Variants in ZSWIM5 observed in about 807,000 individuals in gnomAD.
ZSWIM5 encodes zinc finger SWIM-type containing 5.
A neutral mutation model predicts 119.6 loss-of-function variants in ZSWIM5; 55 were observed. That is an observed-to-expected ratio of 0.46 (90% confidence interval 0.37 to 0.58). ZSWIM5 has a LOEUF of 0.58. Ranked by LOEUF, ZSWIM5 falls within the 20% of genes least tolerant of loss-of-function variation. ZSWIM5 has a pLI of 0.00. For missense variants in ZSWIM5, 1,193 were observed against 1,512.8 expected (o/e 0.79, Z 3.51); for synonymous variants, 537 against 606.9 (o/e 0.88, Z 1.69).
At chr1:45,093,082 T>A (rs1325440967) in intron 1 of ZSWIM5, among the ~76,000 whole-genome samples, 1 of 152,220 alleles carries the variant, frequency 6.6e-6, no homozygotes, top group African/African-American at 2.4e-5. Context: ...GTCACTCTGC[T>A]AGGAAGTGAC....
At chr1:45,163,286 C>A (rs1326787116) in intron 1 of ZSWIM5, among the ~76,000 whole-genome samples, 1 of 152,194 alleles carries the variant, frequency 6.6e-6, no homozygotes. Flanking sequence ...AAGAAACAAA[C>A]AGAAAGGACA....
At position 45,202,320 on chromosome 1, in the gene ZSWIM5, ATAC is replaced by A. The variant is rs567664203; in HGVS notation, c.595+3433_595+3435del. Among the ~76,000 whole-genome samples the A allele has an allele frequency of 1.6e-3, 244 of 152,254 alleles. 1 individual carries two copies. Among genetic ancestry groups the A allele is most frequent in the African/African-American group, 5.5e-3 (230 of 41,590 alleles). On this transcript the variant is annotated intron_variant, in intron 1 of 13. Transcript: ENST00000359600. ...GTTACTGATAAATTTCATAAAAGTT[ATAC>A]TACAGAAAAATTTCACAGACCTGTT...
chr1:45,027,102 C>CT (rs1171121260), intron 11 of ZSWIM5, among the ~76,000 whole-genome samples: 76 of 136,932 alleles, frequency 5.6e-4, no homozygotes, highest in Non-Finnish European at 5.6e-4. Context: ...TAGATCTCCT[C>CT]TTTTTTTTTT....
chr1:45,079,519 C>T (rs1645276425), intron 2 of ZSWIM5, among the ~76,000 whole-genome samples: 2 of 152,160 alleles, frequency 1.3e-5, no homozygotes, highest in Admixed American at 6.5e-5. Flanking sequence ...CAGGGCAGTG[C>T]ACTCCCCAGT....
At chr1:45,078,786 T>G (rs1645270572) in intron 2 of ZSWIM5, among the ~76,000 whole-genome samples, 1 of 152,174 alleles carries the variant, frequency 6.6e-6, no homozygotes, top group African/African-American at 2.4e-5. Context: ...ACTCTGGGTG[T>G]GTCCAGAGGT....
At chr1:45,027,387 T>A (rs993963582) in intron 11 of ZSWIM5, among the ~76,000 whole-genome samples, 58 of 152,082 alleles carry the variant, frequency 3.8e-4, no homozygotes, top group African/African-American at 1.4e-3. Context: ...TTATAATTAT[T>A]TTTATTTTTT....
intron 5 of ZSWIM5, among the ~76,000 whole-genome samples, chr1:45,044,925 C>T (rs1331696747): frequency 2.2e-5 from 3 of 138,212 alleles, no homozygotes; most frequent in African/African-American, 8.1e-5. Flanking sequence ...CACTTGAGCC[C>T]AGGAGGTTGA....
chr1:45,097,236 C>T (rs1645408768), intron 1 of ZSWIM5, among the ~76,000 whole-genome samples: 1 of 152,230 alleles, frequency 6.6e-6, no homozygotes, highest in African/African-American at 2.4e-5. Context: ...ATGGGCTAGA[C>T]TCCACCTTGG....
chr1:45,127,635 T>C (rs944489577), intron 1 of ZSWIM5, among the ~76,000 whole-genome samples: 22 of 151,990 alleles, frequency 1.4e-4, no homozygotes, highest in Admixed American at 1.4e-3. Flanking sequence ...GATGGGGTCT[T>C]GCTTTGTTGC....
chr1:45,018,696 C>T lies in ZSWIM5; in HGVS notation c.3316G>A (p.Ala1106Thr), dbSNP rs1261285969. 6.8e-6 allele frequency: 11 copies of T among 1,614,230 alleles called. No individual in the cohort carries two copies. Among genetic ancestry groups the T allele is most frequent in the Non-Finnish European group, 9.3e-6 (11 of 1,180,044 alleles). ...SSGKLMSTDK[A>T]PLRQLLDATI... ...GCATCCAGCAACTGGCGCAATGGAG[C>T]TTTGTCAGTGGACATGAGCTTTCCA... The change falls in exon 14 of 14, where the codon GCT becomes ACT. Residue 1106 changes from alanine to threonine, a missense_variant. Coordinates refer to ENST00000359600, the MANE Select transcript of ZSWIM5 (RefSeq NM_020883.2). The surrounding 1 kb of genome is among the most constrained non-coding windows in gnomAD (Gnocchi z 6.7).
chr1:45,101,613 T>A (rs952475934), intron 1 of ZSWIM5, among the ~76,000 whole-genome samples: 9 of 151,842 alleles, frequency 5.9e-5, no homozygotes, highest in Non-Finnish European at 1.3e-4. Context: ...GCAACACTAT[T>A]CACAATAGCA....
At chr1:45,040,361 A>C in intron 7 of ZSWIM5, 31 bp downstream of exon 7, 1 of 1,567,226 alleles carries the variant, frequency 6.4e-7, no homozygotes, top group Non-Finnish European at 8.6e-7. Context: ...CTTTGGGCCT[A>C]AGGGGGTTAG....
chr1:45,158,522 A>G (rs1430948133), intron 1 of ZSWIM5, among the ~76,000 whole-genome samples: 1 of 152,250 alleles, frequency 6.6e-6, no homozygotes, highest in African/African-American at 2.4e-5. Context: ...CTTAAAATCA[A>G]ATAGCCTTGA....
chr1:45,035,966 T>C, intron 9 of ZSWIM5, 73 bp downstream of exon 9: 1 of 1,574,392 alleles, frequency 6.4e-7, no homozygotes. Flanking sequence ...TTCCTGTACT[T>C]GTACTCTATT....
At chr1:45,204,481 G>T (rs1461665235) in intron 1 of ZSWIM5, among the ~76,000 whole-genome samples, 1 of 152,096 alleles carries the variant, frequency 6.6e-6, no homozygotes, top group East Asian at 1.9e-4. Flanking sequence ...TCTGGCACAG[G>T]ATAAATTTAC....
chr1:45,202,860 G>A (rs1315045412), intron 1 of ZSWIM5, among the ~76,000 whole-genome samples: 2 of 152,002 alleles, frequency 1.3e-5, no homozygotes, highest in East Asian at 3.8e-4. Flanking sequence ...AAAACCGTTA[G>A]TAAATTATAG....
chr1:45,109,380 C>T (rs1645501129), intron 1 of ZSWIM5, among the ~76,000 whole-genome samples: 1 of 152,196 alleles, frequency 6.6e-6, no homozygotes, highest in Admixed American at 6.5e-5. Flanking sequence ...CCAGCATCTC[C>T]TTGTGTTCTT....
At chr1:45,116,801 C>A (rs1645561008) in intron 1 of ZSWIM5, among the ~76,000 whole-genome samples, 2 of 151,954 alleles carry the variant, frequency 1.3e-5, no homozygotes, top group Admixed American at 1.3e-4. Flanking sequence ...TACCGATTGG[C>A]AACATAAAGA....
At chr1:45,131,274 A>G (rs1186638116) in intron 1 of ZSWIM5, among the ~76,000 whole-genome samples, 1 of 152,222 alleles carries the variant, frequency 6.6e-6, no homozygotes, top group African/African-American at 2.4e-5. Context: ...ATCTCTTTAC[A>G]TTATTTCTTA....
Sources: allele counts gnomAD v4.1 joint callset (sites outside exome capture counted in the v4.1 genomes callset), GRCh38; gene constraint gnomAD v4.1.1; non-coding constraint Gnocchi (gnomAD v3.1); transcripts MANE v1.5; gene names NCBI Gene and HGNC (gene_info 2026-07-23, HGNC 2026-07-21).